The following C19orf47 variants were observed in gnomAD, a reference collection of about 807,000 sequenced individuals.
C19orf47 encodes uncharacterized protein C19orf47.
C19orf47 carries 18 observed loss-of-function variants against 32.3 expected under a neutral mutation model. The ratio of observed to expected loss-of-function variants is 0.56; its 90% confidence interval spans 0.39 to 0.83. C19orf47 has a LOEUF of 0.83. Ranked by LOEUF, C19orf47 falls within the 40% of genes least tolerant of loss-of-function variation. The probability of loss-of-function intolerance (pLI) is 0.00; values close to 1 mark genes in which losing one functional copy is unlikely to be tolerated. For synonymous variants in C19orf47, 202 were observed against 211.1 expected (o/e 0.96, Z 0.37); for missense variants, 484 against 531.6 (o/e 0.91, Z 0.88).
At chr19:40,322,724 G>A (rs780635768) in intron 8 of C19orf47, among the ~76,000 whole-genome samples, 18 of 152,184 alleles carry the variant, frequency 1.2e-4, no homozygotes, top group Non-Finnish European at 2.5e-4. Flanking sequence ...GATTAATCTG[G>A]TCATTCACTC....
the C19orf47 span, among the ~76,000 whole-genome samples, chr19:40,297,726 T>C: frequency 7.1e-6 from 1 of 141,334 alleles, no homozygotes. Flanking sequence ...AAAAAAAAAT[T>C]AGCTGGGCGT....
chr19:40,338,110 T>C (rs1459292604), intron 2 of C19orf47, among the ~76,000 whole-genome samples: 1 of 151,960 alleles, frequency 6.6e-6, no homozygotes, highest in East Asian at 1.9e-4. Context: ...GGTCTCCCTC[T>C]GTCGCCTAGG....
At chr19:40,348,494 C>G, upstream of C19orf47, 1 of 1,496,922 alleles carries the variant, frequency 6.7e-7, no homozygotes, top group South Asian at 1.3e-5. Context: ...CCGCCACCAG[C>G]GAGAGTGCGG....
chr19:40,340,627 G>A (rs2078158087), intron 2 of C19orf47, among the ~76,000 whole-genome samples: 1 of 151,524 alleles, frequency 6.6e-6, no homozygotes, highest in African/African-American at 2.4e-5. Flanking sequence ...CTTGCAGTGA[G>A]CGGAGATCAT....
the C19orf47 span, among the ~76,000 whole-genome samples, chr19:40,309,656 T>G: frequency 6.6e-6 from 1 of 151,180 alleles, no homozygotes; most frequent in Non-Finnish European, 1.5e-5. Flanking sequence ...TACAGAGTAC[T>G]TGCTCCTGGG....
intron 6 of C19orf47, among the ~76,000 whole-genome samples, chr19:40,327,007 C>CTTTT (rs763036518): frequency 8.1e-6 from 1 of 122,802 alleles, no homozygotes; most frequent in African/African-American, 3.1e-5. Context: ...CTGATTTTAA[C>CTTTT]TTTTTTTTTT....
chr19:40,296,976 C>A, the C19orf47 span, among the ~76,000 whole-genome samples: 2 of 151,880 alleles, frequency 1.3e-5, no homozygotes, highest in Admixed American at 6.6e-5. Context: ...CTTATGAGAC[C>A]ACCATTATCT....
intron 1 of C19orf47, among the ~76,000 whole-genome samples, chr19:40,346,329 G>A (rs2078277504): frequency 6.7e-6 from 1 of 149,070 alleles, no homozygotes; most frequent in Non-Finnish European, 1.5e-5. Flanking sequence ...TGTAATCCTA[G>A]CTACTCAGGA....
At chr19:40,313,075 G>A in the C19orf47 span, among the ~76,000 whole-genome samples, 1 of 152,200 alleles carries the variant, frequency 6.6e-6, no homozygotes, top group African/African-American at 2.4e-5. Flanking sequence ...GTTGGAAAGT[G>A]TGTCACCTTC....
At chr19:40,308,886 A>G in the C19orf47 span, among the ~76,000 whole-genome samples, 1 of 151,974 alleles carries the variant, frequency 6.6e-6, no homozygotes, top group Non-Finnish European at 1.5e-5. Flanking sequence ...CCTGGGCAAC[A>G]TGGCCAGACC....
intron 5 of C19orf47, among the ~76,000 whole-genome samples, chr19:40,331,318 C>G (rs570558772): frequency 5.9e-5 from 9 of 152,348 alleles, no homozygotes; most frequent in African/African-American, 1.7e-4. Context: ...GGACACGTAG[C>G]CAAGTCACCC....
the C19orf47 span, among the ~76,000 whole-genome samples, chr19:40,296,384 A>C: frequency 6.6e-6 from 1 of 151,888 alleles, no homozygotes; most frequent in East Asian, 2.0e-4. Context: ...GGATTCAAGC[A>C]ATTATCCTGC....
chr19:40,321,359 G>A lies in C19orf47; in HGVS notation c.*523C>T, dbSNP rs1568601684. 2 of 988,254 alleles carry A rather than the reference G, an allele frequency of 2.0e-6. No homozygotes were observed. Among genetic ancestry groups the A allele is most frequent in the Non-Finnish European group, 2.4e-6 (2 of 831,806 alleles). 61.2% of individuals were successfully genotyped at this position (988,254 alleles called of 1,614,324 possible). A position where few individuals can be genotyped will look rare whatever the true frequency, so the allele number is the denominator to read the frequency against. On this transcript the variant is annotated 3_prime_UTR_variant, in exon 9 of 9. Coordinates refer to ENST00000683109, the MANE Select transcript of C19orf47 (RefSeq NM_001256441.2). ...GCAGCGGACAGTCGGGCCTTGCCAC[G>A]GGGACAGAAAACAGAAGAGAAATGA...
chr19:40,345,235 T>C (rs553581155), intron 1 of C19orf47, among the ~76,000 whole-genome samples: 19 of 152,206 alleles, frequency 1.2e-4, no homozygotes, highest in Non-Finnish European at 2.8e-4. Flanking sequence ...AAAATTATAA[T>C]AGTGATTTTA....
At chr19:40,335,819 C>T (rs1480722821) in intron 4 of C19orf47, among the ~76,000 whole-genome samples, 2 of 152,140 alleles carry the variant, frequency 1.3e-5, no homozygotes, top group Admixed American at 1.3e-4. Context: ...CCGTGTTAGC[C>T]AGGATGGTCT....
At chr19:40,319,297 A>G (rs2077684964), downstream of C19orf47, among the ~76,000 whole-genome samples, 1 of 143,224 alleles carries the variant, frequency 7.0e-6, no homozygotes, top group Admixed American at 7.2e-5. Flanking sequence ...ATAAAAATAA[A>G]ATAAAATGGT....
At position 40,322,101 on chromosome 19, in the gene C19orf47, G is replaced by C; in HGVS notation, c.939C>G (p.Val313=). 3.7e-6 allele frequency: 6 copies of C among 1,614,172 alleles called. No homozygotes were observed. The highest frequency in any genetic ancestry group is 5.1e-6 in the Non-Finnish European group (6 of 1,180,040). The change falls in exon 9 of 9, where the codon GTC becomes GTG. Residue 313 remains valine, a synonymous_variant. Transcript: ENST00000683109. ...LERKPESLSK[V]SIIKRLGAAA... ...CTGCGCCCAGTCTCTTGATGATGCT[G>C]ACTTTAGACAAGGACTCCGGCTTCC...
chr19:40,336,287 C>T lies in C19orf47; in HGVS notation c.107+33G>A, dbSNP rs762084496. 4 of 1,613,948 alleles carry T rather than the reference C, an allele frequency of 2.5e-6. No individual in the cohort carries two copies. The Admixed American group carries it at 6.7e-5, about 27-fold the overall frequency. On this transcript the variant is annotated intron_variant, in intron 3 of 8. Transcript: ENST00000683109. The stretch of plus-strand genomic sequence containing the variant: ...CAGAGTGGGTGGGCCAGCCAGCTCC[C>T]CACCACCCCATCCCCAAGTTCAGCC...
intron 1 of C19orf47, among the ~76,000 whole-genome samples, chr19:40,348,077 G>A (rs1309881841): frequency 6.6e-6 from 1 of 152,140 alleles, no homozygotes; most frequent in African/African-American, 2.4e-5. Context: ...GTAACGAAGT[G>A]AGCGTTATGC....
Sources: gnomAD v4.1 joint callset for allele counts (sites outside exome capture counted in the v4.1 genomes callset) on GRCh38, gnomAD v4.1.1 for gene constraint, MANE v1.5 for transcripts, NCBI Gene and HGNC (gene_info 2026-07-23, HGNC 2026-07-21) for gene names.